The following RPL13A variants were observed in gnomAD, a reference collection of about 807,000 sequenced individuals.
RPL13A encodes large ribosomal subunit protein uL13.
In RPL13A, 4 loss-of-function variants were observed where a neutral mutation model predicts 30.8. That is an observed-to-expected ratio of 0.13 (90% CI 0.06 to 0.30). The LOEUF (loss-of-function observed/expected upper bound fraction) is 0.30, where lower values mean the gene tolerates loss of function less well. Among genes scored for constraint, RPL13A ranks in the 10% least tolerant of loss-of-function variants. The pLI, the probability that RPL13A is intolerant of heterozygous loss-of-function variation, is 1.00. For missense variants in RPL13A, 196 were observed against 272.6 expected (o/e 0.72, Z 1.98); for synonymous variants, 108 against 104.2 (o/e 1.04, Z -0.22).
At chr19:49,487,944 G>A (rs1192058220) in intron 1 of RPL13A, among the ~76,000 whole-genome samples, 2 of 151,944 alleles carry the variant, frequency 1.3e-5, no homozygotes, top group African/African-American at 4.8e-5. Context: ...GGGGCCCTGG[G>A]GTAGAGTCTT....
chr19:49,488,895 A>G (rs2079836191), intron 1 of RPL13A, among the ~76,000 whole-genome samples: 2 of 152,314 alleles, frequency 1.3e-5, no homozygotes, highest in African/African-American at 4.8e-5. Context: ...TAGTAGAGAC[A>G]GGGTTTCACC....
chr19:49,488,601 C>G (rs758969807), intron 1 of RPL13A, among the ~76,000 whole-genome samples: 1 of 152,246 alleles, frequency 6.6e-6, no homozygotes, highest in Non-Finnish European at 1.5e-5. Context: ...GTCACGACTT[C>G]AGGAAGTCTG....
rs767784116 is a variant in RPL13A at position 49,490,248 on chromosome 19, C to T, written c.105C>T (p.Val35=). The change falls in exon 3 of 8, where the codon GTC becomes GTT. Residue 35 remains valine, a synonymous_variant. Coordinates refer to ENST00000391857, the MANE Select transcript of RPL13A (RefSeq NM_012423.4). The part of the protein sequence containing the change: ...KQVLLGRKVV[V]VRCEGINISG... ...TCCCTCTAGGCCGGAAGGTGGTGGT[C>T]GTACGCTGTGAAGGCATCAACATTT... 8.7e-6 allele frequency: 14 copies of T among 1,613,952 alleles called. No homozygotes were observed. Among genetic ancestry groups the T allele is most frequent in the South Asian group, 5.5e-5 (5 of 91,048 alleles).
At chr19:49,490,021 T>A (rs560746777) in intron 2 of RPL13A, 99 bp downstream of exon 2, 1 of 1,098,990 alleles carries the variant, frequency 9.1e-7, no homozygotes, top group Non-Finnish European at 1.4e-6. Flanking sequence ...GGCCATGAGA[T>A]CAACCCCATG....
chr19:49,491,264 T>A (rs760430330), intron 6 of RPL13A, 161 bp from the exon 7 acceptor site: 1 of 1,166,564 alleles, frequency 8.6e-7, no homozygotes, highest in South Asian at 1.2e-5. Flanking sequence ...CCAGGAGGCT[T>A]GGGTGGGTGC....
intron 1 of RPL13A, among the ~76,000 whole-genome samples, chr19:49,489,497 A>G (rs1414225799): frequency 6.6e-6 from 1 of 152,218 alleles, no homozygotes; most frequent in Non-Finnish European, 1.5e-5. Flanking sequence ...CCTACAGTTT[A>G]TTAGTTACAA....
Position 49,491,786 on chromosome 19 carries a change from G to C in RPL13A, c.583G>C (p.Val195Leu). The C allele has an allele frequency of 6.2e-7, 1 of 1,612,252 alleles. No homozygotes were observed. Among genetic ancestry groups the C allele is most frequent in the South Asian group, 1.1e-5 (1 of 90,784 alleles). ...VEKKIDKYTE[V>L]LKTHGLLV is the part of the protein sequence containing the mutation. Reference sequence around the variant, plus strand: ...GAAGAAAATTGACAAATACACAGAGGTCCTCAAGACCCACGGACTCCTGGT... The same window carrying C: ...GAAGAAAATTGACAAATACACAGAGCTCCTCAAGACCCACGGACTCCTGGT... The change falls in exon 8 of 8, where the codon GTC becomes CTC. Residue 195 changes from valine to leucine, a missense_variant. Physicochemically the swap from Val to Leu is conservative, Grantham distance 32 (BLOSUM62 1). Transcript: ENST00000391857.
chr19:49,490,633 T>C (rs755054424), intron 4 of RPL13A, 57 bp downstream of exon 4: 2 of 1,588,536 alleles, frequency 1.3e-6, no homozygotes, highest in Non-Finnish European at 1.7e-6. Flanking sequence ...TGATGAGAAC[T>C]TCTCCCACTC....
intron 6 of RPL13A, 154 bp from the exon 7 acceptor site, chr19:49,491,271 G>GTGCTT: frequency 8.6e-7 from 1 of 1,168,124 alleles, no homozygotes; most frequent in Non-Finnish European, 1.3e-6. Flanking sequence ...GCTTGGGTGG[G>GTGCTT]TGCTTTTCTA....
At chr19:49,490,069 T>G in intron 2 of RPL13A, 147 bp downstream of exon 2, 2 of 1,003,042 alleles carry the variant, frequency 2.0e-6, no homozygotes, top group Non-Finnish European at 1.6e-6. Context: ...TTCCCCAGGG[T>G]TGGGGACTCC....
chr19:49,490,373 G>A lies in RPL13A; in HGVS notation c.154+76G>A, dbSNP rs113275664. On this transcript the variant is annotated intron_variant, in intron 3 of 7. Coordinates refer to ENST00000391857, the MANE Select transcript of RPL13A (RefSeq NM_012423.4). ...TGAGGCTCTGAAAGCAATTGCAGCC[G>A]TGTTGGGAGAGGCTACTTGGGGTTT... 5,180 of 1,587,868 alleles carry A rather than the reference G, an allele frequency of 3.3e-3. 140 individuals carry two copies. In the African/African-American group the frequency reaches 0.061, roughly 19 times the overall value.
At chr19:49,490,164 G>A (rs1348155092) in intron 2 of RPL13A, 68 bp from the exon 3 acceptor site, 6 of 1,430,736 alleles carry the variant, frequency 4.2e-6, no homozygotes, top group South Asian at 3.4e-5. Context: ...GTGTCTGGAG[G>A]GTGACTGCAT....
intron 2 of RPL13A, 33 bp downstream of exon 2, chr19:49,489,955 GC>G: frequency 3.2e-6 from 5 of 1,544,168 alleles, no homozygotes; most frequent in Non-Finnish European, 3.6e-6. Context: ...TCTGTCATGG[GC>G]CCCCGCTGGA....
At chr19:49,488,413 G>A (rs2079830460) in intron 1 of RPL13A, among the ~76,000 whole-genome samples, 2 of 152,192 alleles carry the variant, frequency 1.3e-5, no homozygotes, top group African/African-American at 4.8e-5. Context: ...GTTGGGGCGG[G>A]TGACATTTCA....
rs747939044 is a variant in RPL13A at position 49,491,027 on chromosome 19, C to T, written c.343-13C>T. The T allele has an allele frequency of 1.9e-6, 3 of 1,614,124 alleles. No homozygotes were observed. The highest frequency in any genetic ancestry group is 2.2e-5 in the East Asian group (1 of 44,896). On this transcript the variant is annotated splice_polypyrimidine_tract_variant and intron_variant, in intron 5 of 7. Transcript: ENST00000391857. ...CCCTCCCGGGCTCTTAAGCCCCTCT[C>T]TTTCTCTAACAGAAAAAGCGGATGG...
chr19:49,491,600 G>T, intron 7 of RPL13A, 53 bp downstream of exon 7: 2 of 1,556,240 alleles, frequency 1.3e-6, no homozygotes, highest in Non-Finnish European at 1.7e-6. Context: ...GACAGGCCTG[G>T]CAGGTGCCTT....
At chr19:49,489,763 G>A (rs2079845593) in intron 1 of RPL13A, 87 bp from the exon 2 acceptor site, 22 of 1,104,202 alleles carry the variant, frequency 2.0e-5, no homozygotes, top group Non-Finnish European at 2.8e-5. Flanking sequence ...CTGTTGGCAC[G>A]GTAGGACAAA....
In RPL13A at chr19:49,491,047, G is replaced by A. The variant is rs1389709746; in HGVS notation, c.350G>A (p.Arg117Gln). 1.2e-6 allele frequency: 2 copies of A among 1,614,246 alleles called. No homozygotes were observed. Among genetic ancestry groups the A allele is most frequent in the Non-Finnish European group, 8.5e-7 (1 of 1,180,046 alleles). ...CCTCTCTTTCTCTAACAGAAAAAGC[G>A]GATGGTGGTTCCTGCTGCCCTCAAG... ...GIPPPYDKKK[R>Q]MVVPAALKVV... The change falls in exon 6 of 8, where the codon CGG becomes CAG. Residue 117 changes from arginine to glutamine, a missense_variant. By Grantham distance (43) the Arg-to-Gln change is conservative. Transcript: ENST00000391857.
chr19:49,491,402 A>ACTCCCCCC, intron 6 of RPL13A, 23 bp from the exon 7 acceptor site: 1 of 236,632 alleles, frequency 4.2e-6, no homozygotes, highest in Non-Finnish European at 7.8e-6. Flanking sequence ...TCATTTGTTC[A>ACTCCCCCC]CCCCCCCCCC....
Sources: gnomAD v4.1 joint callset for allele counts (sites outside exome capture counted in the v4.1 genomes callset) on GRCh38, gnomAD v4.1.1 for gene constraint, MANE v1.5 for transcripts, NCBI Gene and HGNC (gene_info 2026-07-23, HGNC 2026-07-21) for gene names.